The following PLCXD2 variants were observed in gnomAD, a reference collection of about 807,000 sequenced individuals.
The protein encoded by PLCXD2 is PI-PLC X domain-containing protein 2.
Under a neutral mutation model 28.6 loss-of-function variants are expected in PLCXD2, and 21 were observed. That is an observed-to-expected ratio of 0.73 (90% CI 0.52 to 1.06). The LOEUF (loss-of-function observed/expected upper bound fraction) is 1.06. PLCXD2 is among the 50% of genes least tolerant of loss of function. The probability of loss-of-function intolerance (pLI) is 0.00; values close to 1 mark genes in which losing one functional copy is unlikely to be tolerated. For missense variants in PLCXD2, 369 were observed against 376.7 expected (o/e 0.98, Z 0.17); for synonymous variants, 140 against 150.1 (o/e 0.93, Z 0.49).
intron 1 of PLCXD2, among the ~76,000 whole-genome samples, chr3:111,692,885 A>G (rs1399754621): frequency 1.3e-5 from 2 of 152,216 alleles, no homozygotes. Context: ...GAAGGGAGAT[A>G]TCATTATTTA....
At chr3:111,707,524 T>A (rs1406101445) in intron 1 of PLCXD2, among the ~76,000 whole-genome samples, 1 of 152,240 alleles carries the variant, frequency 6.6e-6, no homozygotes, top group Admixed American at 6.5e-5. Context: ...CTATTATGAA[T>A]ATTCTTTGGC....
At chr3:111,694,330 C>A (rs1041938884) in intron 1 of PLCXD2, among the ~76,000 whole-genome samples, 7 of 152,170 alleles carry the variant, frequency 4.6e-5, no homozygotes, top group Admixed American at 6.5e-5. Context: ...ATGAATATTG[C>A]AGTTGGTGCT....
intron 1 of PLCXD2, among the ~76,000 whole-genome samples, chr3:111,704,038 T>G (rs1941083318): frequency 1.3e-5 from 2 of 152,058 alleles, no homozygotes; most frequent in Admixed American, 6.6e-5. Context: ...AAACACTGAG[T>G]CATCACAGAA....
intron 3 of PLCXD2, chr3:111,725,267 C>T (rs1302420373): frequency 4.9e-6 from 1 of 202,286 alleles, no homozygotes; most frequent in Non-Finnish European, 9.8e-6. Context: ...GTTTCTTTTG[C>T]ATAGCATAGA....
intron 1 of PLCXD2, among the ~76,000 whole-genome samples, chr3:111,679,312 T>A (rs574932758): frequency 6.6e-6 from 1 of 152,132 alleles, no homozygotes; most frequent in African/African-American, 2.4e-5. Flanking sequence ...TGGGAGTAAA[T>A]GGGGGTATAT....
At chr3:111,712,370 C>G (rs571228865) in intron 2 of PLCXD2, among the ~76,000 whole-genome samples, 4 of 152,300 alleles carry the variant, frequency 2.6e-5, no homozygotes, top group Admixed American at 6.5e-5. Context: ...ACCTCTCCCA[C>G]GGTCCACTGC....
intron 2 of PLCXD2, among the ~76,000 whole-genome samples, chr3:111,713,173 G>A (rs1444097212): frequency 1.3e-5 from 2 of 152,206 alleles, no homozygotes; most frequent in East Asian, 1.9e-4. Context: ...TCTAGACAGC[G>A]CTTGCTGCTC....
intron 1 of PLCXD2, among the ~76,000 whole-genome samples, chr3:111,683,895 T>C (rs1418561754): frequency 6.6e-6 from 1 of 152,012 alleles, no homozygotes; most frequent in East Asian, 1.9e-4. Context: ...AAGGATGCTC[T>C]AGAGGGGGAA....
intron 1 of PLCXD2, among the ~76,000 whole-genome samples, chr3:111,693,941 C>T (rs568052597): frequency 3.6e-4 from 55 of 152,312 alleles, no homozygotes; most frequent in Non-Finnish European, 6.2e-4. Context: ...AGGGATGGGG[C>T]ATCAAAATGG....
chr3:111,674,978 C>T lies in PLCXD2; in HGVS notation c.-268C>T. ...GATTTATCTCTAGGGGCCTACCTTC[C>T]CCCATCTCCAGAGGGGAACATAAGA... On this transcript the variant is annotated 5_prime_UTR_variant, in exon 1 of 5. Coordinates refer to ENST00000477665, the MANE Select transcript of PLCXD2 (RefSeq NM_001185106.1). 1 of 425,236 alleles carries T rather than the reference C, an allele frequency of 2.4e-6. No individual in the cohort carries two copies. Among genetic ancestry groups the T allele is most frequent in the South Asian group, 4.3e-5 (1 of 23,190 alleles). The allele number at this position is 425,236 out of a possible 1,614,324, so 26.3% of individuals were successfully genotyped here.
intron 1 of PLCXD2, among the ~76,000 whole-genome samples, chr3:111,693,215 T>C (rs1277727244): frequency 2.6e-5 from 4 of 152,214 alleles, no homozygotes; most frequent in Non-Finnish European, 5.9e-5. Flanking sequence ...GGCTTACCCC[T>C]GAGCCCCAGG....
Position 111,674,980 on chromosome 3 carries a change from C to G in PLCXD2, c.-266C>G, listed in dbSNP as rs967960113. 1 of 430,870 alleles carries G rather than the reference C, an allele frequency of 2.3e-6. No individual in the cohort carries two copies. Among genetic ancestry groups the G allele is most frequent in the African/African-American group, 2.0e-5 (1 of 49,544 alleles). 26.7% of individuals were successfully genotyped at this position (430,870 alleles called of 1,614,324 possible). A position where few individuals can be genotyped will look rare whatever the true frequency, so the allele number is the denominator to read the frequency against. ...TTTATCTCTAGGGGCCTACCTTCCC[C>G]CATCTCCAGAGGGGAACATAAGAAG... On this transcript the variant is annotated 5_prime_UTR_variant, in exon 1 of 5. Coordinates refer to ENST00000477665, the MANE Select transcript of PLCXD2 (RefSeq NM_001185106.1).
At chr3:111,725,794 G>A (rs1458152312) in intron 3 of PLCXD2, 17 of 398,352 alleles carry the variant, frequency 4.3e-5, no homozygotes, top group East Asian at 2.8e-4. Context: ...ACCATTTGCC[G>A]AGGCAAGCCC....
chr3:111,696,095 C>A (rs2107851237), intron 1 of PLCXD2, among the ~76,000 whole-genome samples: 1 of 152,334 alleles, frequency 6.6e-6, no homozygotes, highest in South Asian at 2.1e-4. Context: ...TGATTCAATT[C>A]CATTGGAGGG....
At chr3:111,697,783 A>G (rs1345751153) in intron 1 of PLCXD2, among the ~76,000 whole-genome samples, 2 of 152,216 alleles carry the variant, frequency 1.3e-5, no homozygotes, top group Admixed American at 1.3e-4. Context: ...TGTTAAAAAT[A>G]AAAAGTTTAA....
At chr3:111,678,774 GT>G (rs965601711) in intron 1 of PLCXD2, among the ~76,000 whole-genome samples, 1 of 152,084 alleles carries the variant, frequency 6.6e-6, no homozygotes, top group East Asian at 1.9e-4. Flanking sequence ...TAATTTGAGG[GT>G]TTTTTTGTTT....
At chr3:111,691,219 AT>A (rs1239648972) in intron 1 of PLCXD2, 1 of 152,240 alleles carries the variant, frequency 6.6e-6, no homozygotes, top group African/African-American at 2.4e-5. Flanking sequence ...TGAAAGAAAA[AT>A]GTTATTTCTT....
chr3:111,701,264 A>T (rs746265999), intron 1 of PLCXD2, among the ~76,000 whole-genome samples: 2 of 152,220 alleles, frequency 1.3e-5, no homozygotes, highest in African/African-American at 2.4e-5. Context: ...GACAATAGGT[A>T]CTATTGGCCC....
intron 1 of PLCXD2, among the ~76,000 whole-genome samples, chr3:111,685,553 C>T (rs888522021): frequency 6.6e-6 from 1 of 152,150 alleles, no homozygotes; most frequent in Non-Finnish European, 1.5e-5. Context: ...TAGAATAGTT[C>T]ATTTAATGTA....
Sources: allele counts gnomAD v4.1 joint callset (sites outside exome capture counted in the v4.1 genomes callset), GRCh38; gene constraint gnomAD v4.1.1; transcripts MANE v1.5; gene names NCBI Gene and HGNC (gene_info 2026-07-23, HGNC 2026-07-21).